The following VGLL1 variants were observed in gnomAD, a reference collection of about 807,000 sequenced individuals.
The protein encoded by VGLL1 is transcription cofactor vestigial-like protein 1.
VGLL1 carries 4 observed loss-of-function variants against 12.0 expected under a neutral mutation model. The observed-to-expected ratio is 0.33, with a 90% confidence interval of 0.16 to 0.76. VGLL1 has a LOEUF of 0.76. VGLL1 is among the 30% of genes least tolerant of loss of function. The pLI is 0.60. For synonymous variants in VGLL1, 87 were observed against 81.2 expected (o/e 1.07, Z -0.39); for missense variants, 204 against 208.7 (o/e 0.98, Z 0.14).
At chrX:136,547,036 G>A (rs185602426) in intron 2 of VGLL1, among the ~76,000 whole-genome samples, 48 of 112,832 alleles carry the variant, frequency 4.3e-4, no homozygotes, top group Non-Finnish European at 7.9e-4. Flanking sequence ...CGGCACTCCA[G>A]TAACACTGGG....
chrX:136,550,442 A>C (rs1842531581), intron 3 of VGLL1: 1 of 180,841 alleles, frequency 5.5e-6, no homozygotes, highest in South Asian at 1.8e-4. Context: ...CCTATTCCTG[A>C]AATCTCAAGA....
In VGLL1 at chrX:136,548,944, C is replaced by T. The variant is rs1360487175; in HGVS notation, c.570C>T (p.Gly190=). The change falls in exon 3 of 5, where the codon GGC becomes GGT. Residue 190 remains glycine, a synonymous_variant. Coordinates refer to ENST00000370634, the MANE Select transcript of VGLL1 (RefSeq NM_016267.4). Reference sequence around the variant, plus strand: ...AGGAATCTGCCGCCAGGGAGAATGGCAACCCTGGCCAGATAGCTGGAAGCA... The same window carrying T: ...AGGAATCTGCCGCCAGGGAGAATGGTAACCCTGGCCAGATAGCTGGAAGCA... ...RPQESAAREN[G]NPGQIAGSTG... is the part of the protein sequence containing the mutation. 1 of 1,210,524 alleles carries T rather than the reference C, an allele frequency of 8.3e-7. No homozygotes were observed. The highest frequency in any genetic ancestry group is 1.1e-6 in the Non-Finnish European group (1 of 895,299).
intron 2 of VGLL1, among the ~76,000 whole-genome samples, chrX:136,538,052 C>T (rs1569360237): frequency 2.7e-5 from 3 of 111,810 alleles, no homozygotes; most frequent in Non-Finnish European, 5.6e-5. Context: ...ATCCCTTTCC[C>T]ACCCTTCACA....
intron 2 of VGLL1, among the ~76,000 whole-genome samples, chrX:136,545,914 G>T (rs938703083): frequency 9.0e-6 from 1 of 111,591 alleles, no homozygotes; most frequent in African/African-American, 3.3e-5. Context: ...GCTCTCTCTG[G>T]ACAGGTTTTG....
chrX:136,554,772 C>T (rs770745241), intron 4 of VGLL1, among the ~76,000 whole-genome samples: 7 of 111,934 alleles, frequency 6.3e-5, no homozygotes, highest in African/African-American at 2.3e-4. Context: ...GGGAAGAATC[C>T]AGGTTATCTC....
At chrX:136,554,445 C>T (rs2075895880) in intron 4 of VGLL1, among the ~76,000 whole-genome samples, 1 of 110,024 alleles carries the variant, frequency 9.1e-6, no homozygotes, top group East Asian at 2.8e-4. Flanking sequence ...CAAGAGAAGT[C>T]TGGAGAGGTA....
chrX:136,532,601 CT>C (rs1187075022), intron 1 of VGLL1, among the ~76,000 whole-genome samples: 2 of 80,443 alleles, frequency 2.5e-5, no homozygotes, highest in African/African-American at 9.6e-5. Flanking sequence ...TTCTTTCTTT[CT>C]TTCTTTCTTT....
chrX:136,554,564 G>A lies in VGLL1; in HGVS notation c.689-1887G>A, dbSNP rs189689645. Among the ~76,000 whole-genome samples the A allele has an allele frequency of 1.2e-3, 129 of 111,610 alleles. 1 individual carries two copies. Among genetic ancestry groups the A allele is most frequent in the Non-Finnish European group, 1.9e-3 (101 of 53,161 alleles). ...AAGGATTTTACGTGTGATCCAACTTGCATCTGATAAGATCACAAAAGCTGT... is the reference window on the plus strand; with the variant it reads ...AAGGATTTTACGTGTGATCCAACTTACATCTGATAAGATCACAAAAGCTGT... On this transcript the variant is annotated intron_variant, in intron 4 of 4. Transcript: ENST00000370634.
At chrX:136,545,989 G>A (rs185537412) in intron 2 of VGLL1, among the ~76,000 whole-genome samples, 1 of 111,576 alleles carries the variant, frequency 9.0e-6, no homozygotes, top group African/African-American at 3.3e-5. Flanking sequence ...GGGTCTAGAT[G>A]CCCAGGGTTG....
chrX:136,535,326 A>C (rs1040283620), intron 1 of VGLL1, among the ~76,000 whole-genome samples: 2 of 112,399 alleles, frequency 1.8e-5, no homozygotes, highest in Non-Finnish European at 3.8e-5. Context: ...CAATGGTGAC[A>C]ACATTGGTAT....
At chrX:136,533,500 G>A (rs1173352658) in intron 1 of VGLL1, among the ~76,000 whole-genome samples, 1 of 111,423 alleles carries the variant, frequency 9.0e-6, no homozygotes, top group African/African-American at 3.3e-5. Context: ...TTCCCTTGTG[G>A]CTTCAAGGGG....
chrX:136,549,030 C>A, intron 3 of VGLL1, 22 bp downstream of exon 3: 1 of 1,182,938 alleles, frequency 8.5e-7, no homozygotes, highest in South Asian at 1.9e-5. Context: ...CCTACAGATA[C>A]TTGGAGGGGT....
chrX:136,541,279 G>A (rs2075855480), intron 2 of VGLL1, among the ~76,000 whole-genome samples: 1 of 112,410 alleles, frequency 8.9e-6, no homozygotes, highest in Admixed American at 9.4e-5. Flanking sequence ...GCCAGATAGA[G>A]AGGTGGCTTG....
chrX:136,553,180 C>T, intron 4 of VGLL1, among the ~76,000 whole-genome samples: 1 of 110,462 alleles, frequency 9.1e-6, no homozygotes, highest in Middle Eastern at 4.6e-3. Flanking sequence ...AGCATGACAC[C>T]AGTCTCCCAA....
intron 4 of VGLL1, among the ~76,000 whole-genome samples, chrX:136,552,235 C>T (rs2075888376): frequency 8.9e-6 from 1 of 112,016 alleles, no homozygotes; most frequent in South Asian, 3.7e-4. Context: ...CTGTTTGATG[C>T]CTTCGTGTGA....
rs1387585192 is a variant in VGLL1, at chrX:136,556,550, G to A, written c.*11G>A. The A allele has an allele frequency of 1.3e-5, 16 of 1,196,788 alleles. No individual in the cohort carries two copies. Among genetic ancestry groups the A allele is most frequent in the Non-Finnish European group, 1.8e-5 (16 of 883,831 alleles). On this transcript the variant is annotated 3_prime_UTR_variant, in exon 5 of 5. Transcript: ENST00000370634. Reference sequence around the variant, plus strand: ...CTGCAGCATCTTTAGTCAAGTTGGAGGAGAAAGACAACACTTGGTCTAAGA... The same window carrying A: ...CTGCAGCATCTTTAGTCAAGTTGGAAGAGAAAGACAACACTTGGTCTAAGA...
Position 136,535,984 on chromosome X carries a change from T to C in VGLL1, c.-25-12T>C. 1.7e-6 allele frequency: 2 copies of C among 1,183,498 alleles called. No individual in the cohort carries two copies. The highest frequency in any genetic ancestry group is 2.3e-6 in the Non-Finnish European group (2 of 873,609). ...TAAATAGTGCCAGTGACATTTTGCC[T>C]TTGGTCCACAGCTGTCACCTGTGTC... On this transcript the variant is annotated splice_polypyrimidine_tract_variant and intron_variant, in intron 1 of 4. Coordinates refer to ENST00000370634, the MANE Select transcript of VGLL1 (RefSeq NM_016267.4).
chrX:136,546,542 A>G (rs1196091410), intron 2 of VGLL1, among the ~76,000 whole-genome samples: 1 of 112,426 alleles, frequency 8.9e-6, no homozygotes, highest in Non-Finnish European at 1.9e-5. Context: ...GCTGTGGCAC[A>G]CCAAACCACT....
chrX:136,548,024 C>A (rs1399047187), intron 2 of VGLL1, among the ~76,000 whole-genome samples: 1 of 110,463 alleles, frequency 9.1e-6, no homozygotes, highest in East Asian at 2.8e-4. Context: ...TCTTTCTTAC[C>A]GAGTCTCACT....
Sources: gnomAD v4.1 joint callset for allele counts (sites outside exome capture counted in the v4.1 genomes callset) on GRCh38, gnomAD v4.1.1 for gene constraint, MANE v1.5 for transcripts, NCBI Gene and HGNC (gene_info 2026-07-23, HGNC 2026-07-21) for gene names.